OR51B5: variants seen among roughly 807,000 people sequenced by gnomAD.
OR51B5 encodes olfactory receptor 51B5.
For missense variants in OR51B5, 456 were observed against 374.6 expected (o/e 1.22, Z -1.79); for synonymous variants, 186 against 144.8 (o/e 1.28, Z -2.04).
At chr11:5,480,489 G>A (rs1213982982) in intron 1 of OR51B5, among the ~76,000 whole-genome samples, 5 of 149,274 alleles carry the variant, frequency 3.3e-5, no homozygotes, top group Admixed American at 2.0e-4. Context: ...CTAGCAGAAG[G>A]CAAGAAATAA....
intron 1 of OR51B5, among the ~76,000 whole-genome samples, chr11:5,403,754 T>C (rs191699738): frequency 3.3e-4 from 50 of 152,174 alleles, no homozygotes; most frequent in Non-Finnish European, 5.0e-4. Context: ...AAGTGAGGCT[T>C]TTTTAAAACA....
At chr11:5,463,838 T>G (rs1447124881) in intron 1 of OR51B5, among the ~76,000 whole-genome samples, 3 of 152,220 alleles carry the variant, frequency 2.0e-5, no homozygotes, top group Non-Finnish European at 4.4e-5. Context: ...TGAGATTTGT[T>G]TGCTAACCAA....
intron 1 of OR51B5, among the ~76,000 whole-genome samples, chr11:5,420,793 T>C (rs1215861204): frequency 6.6e-6 from 1 of 152,226 alleles, no homozygotes; most frequent in Non-Finnish European, 1.5e-5. Context: ...AATAGCTAAC[T>C]ATTGAATAAT....
At chr11:5,426,686 A>G (rs1393153165) in intron 1 of OR51B5, among the ~76,000 whole-genome samples, 1 of 152,178 alleles carries the variant, frequency 6.6e-6, no homozygotes, top group Non-Finnish European at 1.5e-5. Context: ...AGTGCTTTAA[A>G]TTAAACAAAA....
chr11:5,378,422 C>T (rs1849560555), intron 1 of OR51B5, among the ~76,000 whole-genome samples: 4 of 152,088 alleles, frequency 2.6e-5, no homozygotes, highest in Admixed American at 1.3e-4. Context: ...ATGTCTAAAA[C>T]ACCAAAAGCG....
upstream of OR51B5, chr11:5,346,148 A>G (rs1343554967): frequency 2.6e-5 from 4 of 152,184 alleles, no homozygotes; most frequent in Non-Finnish European, 5.9e-5. Context: ...CAAGTGATGA[A>G]TCACTACAGG....
intron 1 of OR51B5, chr11:5,391,812 G>A (rs1248204890): frequency 6.6e-6 from 1 of 152,300 alleles, no homozygotes; most frequent in Non-Finnish European, 1.5e-5. Flanking sequence ...GATTGCTGAA[G>A]GCCAGGAGTT....
At chr11:5,460,183 A>G (rs542166662) in intron 1 of OR51B5, among the ~76,000 whole-genome samples, 1 of 152,336 alleles carries the variant, frequency 6.6e-6, no homozygotes, top group East Asian at 1.9e-4. Context: ...AGTGGGAGCT[A>G]AATGATGAAA....
At chr11:5,377,975 G>A (rs1410275514) in intron 1 of OR51B5, among the ~76,000 whole-genome samples, 2 of 152,042 alleles carry the variant, frequency 1.3e-5, no homozygotes, top group East Asian at 3.9e-4. Context: ...AAGTTCATAT[G>A]GAACCAAAAA....
chr11:5,452,851 C>CA (rs1399363709), intron 1 of OR51B5, among the ~76,000 whole-genome samples: 1 of 152,168 alleles, frequency 6.6e-6, no homozygotes, highest in East Asian at 1.9e-4. Flanking sequence ...TGCCTTTGCA[C>CA]AAAAATATGT....
chr11:5,370,561 T>C (rs1849432328), intron 1 of OR51B5, among the ~76,000 whole-genome samples: 2 of 152,220 alleles, frequency 1.3e-5, no homozygotes, highest in Admixed American at 6.5e-5. Context: ...TTTCTCACTC[T>C]TTCTGTGTTT....
intron 1 of OR51B5, among the ~76,000 whole-genome samples, chr11:5,497,078 G>C (rs1199746839): frequency 1.3e-5 from 2 of 152,002 alleles, no homozygotes; most frequent in African/African-American, 4.8e-5. Flanking sequence ...GAGAGGAAAG[G>C]AAAGAGAGGA....
chr11:5,480,633 ACAG>A (rs1270143337), intron 1 of OR51B5, among the ~76,000 whole-genome samples: 1 of 152,110 alleles, frequency 6.6e-6, no homozygotes, highest in Non-Finnish European at 1.5e-5. Context: ...AGAAAAAAAG[ACAG>A]AAGAATCAAA....
At chr11:5,395,612 A>G (rs78650791) in intron 1 of OR51B5, among the ~76,000 whole-genome samples, 1,633 of 152,248 alleles carry the variant, frequency 0.011, 30 homozygotes, top group African/African-American at 0.037. Flanking sequence ...CAATTGCTCC[A>G]ATTGATGAAG....
intron 1 of OR51B5, among the ~76,000 whole-genome samples, chr11:5,418,881 A>AAAG (rs1464227575): frequency 7.1e-6 from 1 of 140,640 alleles, no homozygotes; most frequent in Admixed American, 7.5e-5. Context: ...GTATTATAAA[A>AAAG]AAAAAAAAAG....
chr11:5,343,200 CG>C lies in OR51B5; in HGVS notation c.324del (p.Glu109SerfsTer31), dbSNP rs1564912066. The C allele has an allele frequency of 2.5e-6, 4 of 1,613,670 alleles. No homozygotes were observed. The African/African-American group carries it at 5.3e-5, about 22-fold the overall frequency. ...GCCATGGCAAGCAGAATGCCAGACT[CG>C]AGAAAGGAAAGTGAGTGTATAAAGT... On this transcript the variant is annotated frameshift_variant, in exon 1 of 1. Transcript: ENST00000300773. LOFTEE classifies it low-confidence loss of function (END_TRUNC).
intron 1 of OR51B5, chr11:5,423,170 A>G: frequency 1.3e-6 from 2 of 1,566,330 alleles, no homozygotes; most frequent in South Asian, 1.2e-5. Context: ...TGCATTTCTT[A>G]AATTACTGAC....
chr11:5,503,498 A>T (rs1022990647), intron 1 of OR51B5, among the ~76,000 whole-genome samples: 1 of 152,226 alleles, frequency 6.6e-6, no homozygotes, highest in African/African-American at 2.4e-5. Context: ...ATTCCTCAAC[A>T]TGTTCCAATT....
chr11:5,462,646 C>G (rs1012928073), intron 1 of OR51B5, among the ~76,000 whole-genome samples: 1 of 152,222 alleles, frequency 6.6e-6, no homozygotes, highest in African/African-American at 2.4e-5. Context: ...TAATGTGCAG[C>G]AAGGGCACTT....
Sources: allele counts gnomAD v4.1 joint callset (sites outside exome capture counted in the v4.1 genomes callset), GRCh38; gene constraint gnomAD v4.1.1; transcripts MANE v1.5; gene names NCBI Gene and HGNC (gene_info 2026-07-23, HGNC 2026-07-21).